DGCR2: variants seen among roughly 807,000 people sequenced by gnomAD.
DGCR2 encodes DiGeorge syndrome critical region gene 2, also known as integral membrane protein DGCR2/IDD.
DGCR2 carries 24 observed loss-of-function variants against 51.6 expected under a neutral mutation model. The ratio of observed to expected loss-of-function variants is 0.47; its 90% CI spans 0.34 to 0.65. The LOEUF (loss-of-function observed/expected upper bound fraction) is 0.65, where lower values mean the gene tolerates loss of function less well. DGCR2 is among the 30% of genes least tolerant of loss of function. The probability of loss-of-function intolerance (pLI) is 0.01; values close to 1 mark genes in which losing one functional copy is unlikely to be tolerated. For synonymous variants in DGCR2, 340 were observed against 315.4 expected, an observed-to-expected ratio of 1.08 and a Z score of -0.82; for missense variants, 765 against 772.1, an observed-to-expected ratio of 0.99 and a Z score of 0.11.
At chr22:19,084,366 GC>G in intron 2 of DGCR2, among the ~76,000 whole-genome samples, 1 of 151,912 alleles carries the variant, frequency 6.6e-6, no homozygotes, top group South Asian at 2.1e-4. Context: ...CCTCTGCCCG[GC>G]CACGACCCCG....
intron 6 of DGCR2, among the ~76,000 whole-genome samples, chr22:19,053,900 A>C (rs2146320309): frequency 6.6e-6 from 1 of 152,362 alleles, no homozygotes; most frequent in South Asian, 2.1e-4. Context: ...AGACAAAATC[A>C]ATGAAACAGA....
chr22:19,098,025 C>T (rs16983300), intron 1 of DGCR2, among the ~76,000 whole-genome samples: 5,548 of 152,302 alleles, frequency 0.036, 301 homozygotes, highest in African/African-American at 0.13. Context: ...CCAGACAGCT[C>T]TGGCTAAAAT....
intron 6 of DGCR2, among the ~76,000 whole-genome samples, chr22:19,050,447 A>T (rs1319162106): frequency 6.6e-6 from 1 of 152,256 alleles, no homozygotes; most frequent in African/African-American, 2.4e-5. Context: ...GATCCACCTT[A>T]TAAGAAACAC....
In DGCR2 at chr22:19,089,383, C is replaced by T. The variant is rs780229617; in HGVS notation, c.187G>A (p.Glu63Lys). ...ACACACTCACCTGGACAGTTGGCTT[C>T]GTCGCTCTCATCCTCGCAAGTCGCC... The part of the protein sequence containing the change: ...GWATCEDESD[E>K]ANCPEVTGEV... The change falls in exon 2 of 10, where the codon GAA (glutamate) becomes AAA (lysine). Residue 63 changes from glutamate (E) to lysine (K), a missense_variant. Physicochemically the swap from Glu to Lys is moderately conservative, Grantham distance 56. Transcript: ENST00000263196. 1.9e-6 allele frequency: 3 copies of T among 1,608,546 alleles called. No homozygotes were observed. The highest frequency in any genetic ancestry group is 1.3e-5 in the African/African-American group (1 of 74,886).
intron 1 of DGCR2, among the ~76,000 whole-genome samples, chr22:19,113,958 T>G (rs978539404): frequency 6.7e-6 from 1 of 150,016 alleles, no homozygotes; most frequent in African/African-American, 2.5e-5. Flanking sequence ...ACTTGGGAGG[T>G]TGAGGCAGCA....
chr22:19,100,193 CG>C (rs2083186033), intron 1 of DGCR2, among the ~76,000 whole-genome samples: 1 of 151,832 alleles, frequency 6.6e-6, no homozygotes, highest in Non-Finnish European at 1.5e-5. Flanking sequence ...TCGCTTGAAC[CG>C]GGGAGGCGAG....
intron 1 of DGCR2, among the ~76,000 whole-genome samples, chr22:19,099,569 A>T (rs1157747133): frequency 6.6e-6 from 1 of 152,148 alleles, no homozygotes; most frequent in Non-Finnish European, 1.5e-5. Flanking sequence ...TCTCAAAAAA[A>T]CAAAACACCA....
rs528593833 is a variant in DGCR2, at chr22:19,066,129, G to A, written c.329-1062C>T. Among the ~76,000 whole-genome samples the A allele has an allele frequency of 5.9e-5, 9 of 152,344 alleles. No homozygotes were observed. The East Asian group carries it at 1.4e-3, about 23-fold the overall frequency. On this transcript the variant is annotated intron_variant, in intron 3 of 9. Coordinates refer to ENST00000263196, the MANE Select transcript of DGCR2 (RefSeq NM_005137.3). Reference sequence around the variant, plus strand: ...ACAAGGAATCAGAGGGCTGGCAACAGTGGCTCACGCCTGTAATTCCAGCAC... The same window carrying A: ...ACAAGGAATCAGAGGGCTGGCAACAATGGCTCACGCCTGTAATTCCAGCAC...
chr22:19,080,911 G>A (rs975002495), intron 2 of DGCR2, among the ~76,000 whole-genome samples: 1 of 152,184 alleles, frequency 6.6e-6, no homozygotes, highest in Non-Finnish European at 1.5e-5. Context: ...AAGGGAATGC[G>A]AGTGCCAAGA....
chr22:19,119,557 A>C (rs1296980771), intron 1 of DGCR2, among the ~76,000 whole-genome samples: 1 of 152,074 alleles, frequency 6.6e-6, no homozygotes, highest in Non-Finnish European at 1.5e-5. Flanking sequence ...CCAACATGGC[A>C]AAACCCCATC....
intron 2 of DGCR2, among the ~76,000 whole-genome samples, chr22:19,081,956 C>T (rs2082940625): frequency 6.6e-6 from 1 of 152,140 alleles, no homozygotes; most frequent in South Asian, 2.1e-4. Context: ...TTTATATACA[C>T]TGAATTAGAA....
intron 1 of DGCR2, among the ~76,000 whole-genome samples, chr22:19,099,641 A>G (rs1005337347): frequency 2.6e-5 from 4 of 152,012 alleles, no homozygotes; most frequent in South Asian, 2.1e-4. Context: ...GTAAAGCAGT[A>G]AGTGCAACTT....
At position 19,062,156 on chromosome 22, in the gene DGCR2, T is replaced by C. The variant is rs1445633948; in HGVS notation, c.625+1046A>G. ...AACCCAGAAGCCATTGATTAGTCAA[T>C]AGCAATCTAAACAATGCACTCATAA... On this transcript the variant is annotated intron_variant, in intron 5 of 9. Coordinates refer to ENST00000263196, the MANE Select transcript of DGCR2 (RefSeq NM_005137.3). Among the ~76,000 whole-genome samples the C allele has an allele frequency of 3.3e-5, 5 of 152,318 alleles. No homozygotes were observed. The South Asian group carries it at 8.3e-4, about 25-fold the overall frequency.
chr22:19,040,898 T>C (rs933551617), intron 9 of DGCR2, among the ~76,000 whole-genome samples, 160 bp downstream of exon 9: 4 of 152,154 alleles, frequency 2.6e-5, no homozygotes, highest in Non-Finnish European at 5.9e-5. Flanking sequence ...GGACCCCTTC[T>C]GCACGGGCAG....
chr22:19,073,276 C>A lies in DGCR2; in HGVS notation c.203-5051G>T, dbSNP rs201951964. The stretch of plus-strand genomic sequence containing the variant: ...GACCTGTCACACACACAAAAAAAAA[C>A]TGAATACATGACAGCAAACATGAAA... On this transcript the variant is annotated intron_variant, in intron 2 of 9. Transcript: ENST00000263196. Among the ~76,000 whole-genome samples the A allele has an allele frequency of 1.3e-4, 20 of 151,476 alleles. No individual in the cohort carries two copies. The East Asian group carries it at 3.3e-3, about 25-fold the overall frequency.
chr22:19,063,394 G>A (rs1298129870), intron 4 of DGCR2, 116 bp from the exon 5 acceptor site: 8 of 928,850 alleles, frequency 8.6e-6, no homozygotes, highest in African/African-American at 1.6e-5. Context: ...AGGATGGAGT[G>A]CAGTGGTGCG....
intron 1 of DGCR2, among the ~76,000 whole-genome samples, chr22:19,097,153 C>G (rs1038593552): frequency 6.6e-6 from 1 of 152,092 alleles, no homozygotes; most frequent in African/African-American, 2.4e-5. Context: ...CCCCCATGCA[C>G]CACATCCACC....
Position 19,122,229 on chromosome 22 carries a change from G to A in DGCR2, c.-23C>T, listed in dbSNP as rs1456239290. 5.4e-6 allele frequency: 8 copies of A among 1,477,062 alleles called. No individual in the cohort carries two copies. Among genetic ancestry groups the A allele is most frequent in the African/African-American group, 4.4e-5 (3 of 67,824 alleles). 91.5% of individuals were successfully genotyped at this position (1,477,062 alleles called of 1,614,324 possible). ...CATTTATCCTCCGTTCATCGTCCCC[G>A]GGGCGGCTGGAAGGCCGGACCAGGC... On this transcript the variant is annotated 5_prime_UTR_variant, in exon 1 of 10. Coordinates refer to ENST00000263196, the MANE Select transcript of DGCR2 (RefSeq NM_005137.3).
At chr22:19,121,775 G>A (rs753645254) in intron 1 of DGCR2, 36 of 177,806 alleles carry the variant, frequency 2.0e-4, no homozygotes, top group Non-Finnish European at 3.1e-4. Flanking sequence ...ACTGCTGGGA[G>A]GACGTCTGTG....
Sources: allele counts gnomAD v4.1 joint callset (sites outside exome capture counted in the v4.1 genomes callset), GRCh38; gene constraint gnomAD v4.1.1; transcripts MANE v1.5; gene names NCBI Gene and HGNC (gene_info 2026-07-23, HGNC 2026-07-21).